EIF4A3: variants seen among roughly 807,000 people sequenced by gnomAD.
EIF4A3 encodes eukaryotic initiation factor 4A-III.
EIF4A3 carries 1 observed loss-of-function variant against 55.6 expected under a neutral mutation model. The observed-to-expected ratio is 0.02, with a 90% confidence interval of 0.01 to 0.09. The LOEUF is 0.09. Among genes scored for constraint, EIF4A3 ranks in the 10% least tolerant of loss-of-function variants. EIF4A3 has a pLI of 1.00. For synonymous variants in EIF4A3, 194 were observed against 196.3 expected, an observed-to-expected ratio of 0.99 and a Z score of 0.10; for missense variants, 221 against 540.7, an observed-to-expected ratio of 0.41 and a Z score of 5.86.
At chr17:80,143,700 C>T (rs562683232) in intron 2 of EIF4A3, among the ~76,000 whole-genome samples, 44 of 152,252 alleles carry the variant, frequency 2.9e-4, no homozygotes, top group South Asian at 6.2e-4. Flanking sequence ...AAGCCTTGGC[C>T]GGGCGCAGTA....
At chr17:80,140,962 A>C (rs1044891137) in intron 4 of EIF4A3, among the ~76,000 whole-genome samples, 5 of 152,024 alleles carry the variant, frequency 3.3e-5, no homozygotes, top group Non-Finnish European at 7.4e-5. Context: ...CGCCCAGCTA[A>C]TTTTTTGTAT....
chr17:80,135,149 C>CAAA lies in EIF4A3; in HGVS notation c.*338_*340dup. On this transcript the variant is annotated 3_prime_UTR_variant, in exon 12 of 12. Transcript: ENST00000649764. ...CCTGGGCAACAGAGGGAGACTGTCT[C>CAAA]AAAAAAAAAAAAGAAAAAGAAAAGA... 3.0e-5 allele frequency: 4 copies of CAAA among 132,774 alleles called. No individual in the cohort carries two copies. Among genetic ancestry groups the CAAA allele is most frequent in the Non-Finnish European group, 5.7e-5 (4 of 70,364 alleles). The allele number at this position is 132,774 out of a possible 1,614,324, so 8.2% of individuals were successfully genotyped here. A position where few individuals can be genotyped will look rare whatever the true frequency, so the allele number is the denominator to read the frequency against.
At chr17:80,141,703 T>C in intron 3 of EIF4A3, 79 bp downstream of exon 3, 2 of 1,436,040 alleles carry the variant, frequency 1.4e-6, no homozygotes, top group South Asian at 1.2e-5. Context: ...ATTGTACTTT[T>C]TGAACACTGT....
intron 1 of EIF4A3, among the ~76,000 whole-genome samples, chr17:80,146,012 G>A (rs1053737856): frequency 6.6e-6 from 1 of 152,086 alleles, no homozygotes; most frequent in East Asian, 1.9e-4. Flanking sequence ...CTTTAAAACT[G>A]TAAATGTGAT....
chr17:80,146,930 C>T lies in EIF4A3; in HGVS notation c.32G>A (p.Gly11Asp). The T allele has an allele frequency of 1.2e-6, 2 of 1,608,800 alleles. No homozygotes were observed. Among genetic ancestry groups the T allele is most frequent in the Non-Finnish European group, 1.7e-6 (2 of 1,178,344 alleles). MATTATMATSGSARKRLLKEE... is the reference protein window; with the variant it reads MATTATMATSDSARKRLLKEE... The stretch of plus-strand genomic sequence containing the variant: ...TTTGAGCAGCCGCTTTCGCGCCGAG[C>T]CCGAGGTCGCCATCGTGGCCGTGGT... Residue 11 changes from glycine to aspartate, a missense_variant, in exon 1 of 12, where the codon GGC (glycine) becomes GAC (aspartate). Physicochemically the swap from Gly to Asp is moderately conservative, Grantham distance 94. This residue lies in a region of EIF4A3 where 43 missense variants were observed against 39.1 expected (regional missense o/e 1.10). Coordinates refer to ENST00000649764, the MANE Select transcript of EIF4A3 (RefSeq NM_014740.4).
intron 7 of EIF4A3, 108 bp from the exon 8 acceptor site, chr17:80,138,388 A>C: frequency 7.1e-7 from 1 of 1,417,374 alleles, no homozygotes; most frequent in Non-Finnish European, 9.7e-7. Context: ...TCACACCGTG[A>C]TATCTGGTGC....
In EIF4A3 at chr17:80,139,182, A is replaced by AG. The variant is rs1221843733; in HGVS notation, c.587-21dup. 5 of 1,613,202 alleles carry AG rather than the reference A, an allele frequency of 3.1e-6. No homozygotes were observed. The African/African-American group carries it at 6.7e-5, about 22-fold the overall frequency. ...TGAAACCTGGGACAGGGAGCAAGAC[A>AG]GGTGAGGGATGTTTAGGGCGGCACA... On this transcript the variant is annotated intron_variant, in intron 6 of 11. Transcript: ENST00000649764.
intron 1 of EIF4A3, 146 bp from the exon 2 acceptor site, chr17:80,144,390 C>T: frequency 1.5e-6 from 1 of 677,980 alleles, no homozygotes; most frequent in Admixed American, 2.3e-5. Flanking sequence ...CTCTCAAAAC[C>T]CAGGGGCTCA....
chr17:80,136,466 G>T (rs1251155901), intron 9 of EIF4A3, 131 bp from the exon 10 acceptor site: 55 of 699,240 alleles, frequency 7.9e-5, no homozygotes, highest in Non-Finnish European at 1.2e-4. Flanking sequence ...TCTCTCAACA[G>T]TCTGTCTGCA....
chr17:80,144,089 G>GA, intron 2 of EIF4A3, 83 bp downstream of exon 2: 2 of 1,320,592 alleles, frequency 1.5e-6, no homozygotes, highest in Middle Eastern at 1.9e-4. Context: ...CAAGCTGAGG[G>GA]AAACAGTCAT....
At chr17:80,136,587 C>T (rs993716515) in intron 9 of EIF4A3, 46 of 520,172 alleles carry the variant, frequency 8.8e-5, no homozygotes, top group Non-Finnish European at 1.4e-4. Flanking sequence ...ACATCTTTTA[C>T]TAGACTATCT....
rs1167304145 is a variant in EIF4A3, at chr17:80,139,754, T to C, written c.506-4A>G. On this transcript the variant is annotated splice_polypyrimidine_tract_variant and splice_region_variant and intron_variant, in intron 5 of 11. Coordinates refer to ENST00000649764, the MANE Select transcript of EIF4A3 (RefSeq NM_014740.4). The stretch of plus-strand genomic sequence containing the variant: ...AGGCTTCTGCGACGAATCATATCTA[T>C]AACATGAGATTTTGAAATACTTACG... 1 of 1,612,052 alleles carries C rather than the reference T, an allele frequency of 6.2e-7. No individual in the cohort carries two copies. The highest frequency in any genetic ancestry group is 1.1e-5 in the South Asian group (1 of 90,504).
chr17:80,141,726 A>C, intron 3 of EIF4A3, 56 bp downstream of exon 3: 3 of 1,548,630 alleles, frequency 1.9e-6, no homozygotes, highest in South Asian at 2.3e-5. Context: ...TTACAGAAGA[A>C]AAAGCAAGTA....
At chr17:80,136,162 A>G (rs1265213451) in intron 10 of EIF4A3, 31 bp from the exon 11 acceptor site, 3 of 1,613,704 alleles carry the variant, frequency 1.9e-6, no homozygotes, top group Non-Finnish European at 2.5e-6. Flanking sequence ...TACAGTTAGT[A>G]TATATAACAA....
rs2039569145 is a variant in EIF4A3 at position 80,136,268 on chromosome 17, T to G, written c.1051A>C (p.Asn351His). 6.2e-7 allele frequency: 1 copy of G among 1,614,052 alleles called. No individual in the cohort carries two copies. Residue 351 changes from asparagine to histidine, a missense_variant, in exon 10 of 12, where the codon AAC (asparagine) becomes CAC (histidine). By Grantham distance (68) the Asn-to-His change is moderately conservative (BLOSUM62 1). This residue lies in a region of EIF4A3 where 93 missense variants were observed against 278.5 expected (regional missense o/e 0.33). Coordinates refer to ENST00000649764, the MANE Select transcript of EIF4A3 (RefSeq NM_014740.4). Reference protein sequence around the residue: ...LDVPQVSLIINYDLPNNRELY... With the variant: ...LDVPQVSLIIHYDLPNNRELY... ...TCTCTGTTATTAGGGAGATCATAGTTAATGATGAGGGACACCTGAGGGACA... is the reference window on the plus strand; with the variant it reads ...TCTCTGTTATTAGGGAGATCATAGTGAATGATGAGGGACACCTGAGGGACA...
chr17:80,137,349 A>G, intron 9 of EIF4A3, 37 bp downstream of exon 9: 2 of 1,589,344 alleles, frequency 1.3e-6, no homozygotes, highest in East Asian at 2.2e-5. Flanking sequence ...CAGTCTAGCA[A>G]ACCCTGACCT....
chr17:80,135,902 A>G (rs2039566299), intron 11 of EIF4A3, 102 bp downstream of exon 11: 2 of 1,503,808 alleles, frequency 1.3e-6, no homozygotes, highest in Non-Finnish European at 1.8e-6. Context: ...CTCAAAAACA[A>G]AACAAAAAAA....
intron 3 of EIF4A3, 171 bp downstream of exon 3, chr17:80,141,611 C>T (rs1472252121): frequency 8.2e-6 from 6 of 734,902 alleles, no homozygotes; most frequent in Non-Finnish European, 1.1e-5. Flanking sequence ...AAAATCATGA[C>T]AGAATATTAG....
intron 4 of EIF4A3, 108 bp from the exon 5 acceptor site, chr17:80,140,248 C>CCATTATT (rs1257128949): frequency 1.5e-6 from 2 of 1,298,376 alleles, no homozygotes; most frequent in Non-Finnish European, 2.0e-6. Context: ...ATTATTTATG[C>CCATTATT]CATTATTATC....
Sources: gnomAD v4.1 joint callset for allele counts (sites outside exome capture counted in the v4.1 genomes callset) on GRCh38, gnomAD v4.1.1 for gene constraint, gnomAD v4.1.1 regional missense constraint, MANE v1.5 for transcripts, NCBI Gene and HGNC (gene_info 2026-07-23, HGNC 2026-07-21) for gene names.